The following DZANK1 variants were observed in gnomAD, a reference collection of about 807,000 sequenced individuals.
DZANK1 encodes double zinc ribbon and ankyrin repeat-containing protein 1.
In DZANK1, 91 loss-of-function variants were observed where a neutral mutation model predicts 94.5. The ratio of observed to expected loss-of-function variants is 0.96; its 90% CI spans 0.81 to 1.15. The LOEUF (loss-of-function observed/expected upper bound fraction) is 1.15. Ranked by LOEUF, DZANK1 falls within the 50% of genes most tolerant of loss-of-function variation. DZANK1 has a pLI of 0.00. For missense variants in DZANK1, 903 were observed against 916.4 expected, an observed-to-expected ratio of 0.99 and a Z score of 0.19; for synonymous variants, 312 against 325.3, an observed-to-expected ratio of 0.96 and a Z score of 0.44.
intron 5 of DZANK1, among the ~76,000 whole-genome samples, chr20:18,452,973 C>A (rs2059157241): frequency 6.6e-6 from 1 of 152,188 alleles, no homozygotes; most frequent in Non-Finnish European, 1.5e-5. Flanking sequence ...CTACAATATT[C>A]CACTTCAGGC....
At chr20:18,438,406 TA>T (rs1349723041) in intron 8 of DZANK1, among the ~76,000 whole-genome samples, 3 of 151,824 alleles carry the variant, frequency 2.0e-5, no homozygotes, top group Admixed American at 1.3e-4. Flanking sequence ...TCAGAATGGA[TA>T]AAAAAGCAAG....
At chr20:18,393,148 G>A (rs1033285023) in intron 17 of DZANK1, among the ~76,000 whole-genome samples, 11 of 152,194 alleles carry the variant, frequency 7.2e-5, no homozygotes, top group Admixed American at 2.6e-4. Flanking sequence ...ACAGGGGAGG[G>A]TGTAGAGGGA....
At chr20:18,449,065 G>A (rs2058998397) in exon 7 of DZANK1, 2 of 1,613,486 alleles carry the variant, frequency 1.2e-6, no homozygotes, top group Non-Finnish European at 1.7e-6. Context: ...TGCAAAACCG[G>A]GGGACTAAAA....
At chr20:18,393,947 C>A in intron 16 of DZANK1, 136 bp from the exon 17 acceptor site, 1 of 667,742 alleles carries the variant, frequency 1.5e-6, no homozygotes, top group Non-Finnish European at 2.5e-6. Flanking sequence ...TGATTAAACC[C>A]GGCAGGAGAG....
exon 11 of DZANK1, chr20:18,415,330 G>T: frequency 6.5e-7 from 1 of 1,549,284 alleles, no homozygotes; most frequent in Non-Finnish European, 8.7e-7. Flanking sequence ...TACCCACCAT[G>T]GCTCCACACC....
In DZANK1 at chr20:18,441,363, A is replaced by G. The variant is rs1165250060; in HGVS notation, c.747+1984T>C. Among the ~76,000 whole-genome samples the G allele has an allele frequency of 2.6e-5, 4 of 152,332 alleles. No homozygotes were observed. Among genetic ancestry groups the G allele is most frequent in the South Asian group, 2.1e-4 (1 of 4,832 alleles). ...TTTCCCAGTTTATTTCCTGGGACCAATCCCACTACCAATTCTGTATCAGTC... is the reference window on the plus strand; with the variant it reads ...TTTCCCAGTTTATTTCCTGGGACCAGTCCCACTACCAATTCTGTATCAGTC... On this transcript the variant is annotated intron_variant, in intron 8 of 20. Coordinates refer to ENST00000262547, the Ensembl canonical transcript of DZANK1. This position sits in a 1 kb window ranked among gnomAD's most constrained non-coding sequence, Gnocchi z 4.1.
rs755162426 is a variant in DZANK1 at position 18,453,723 on chromosome 20, C to T, written c.475+8G>A. On this transcript the variant is annotated splice_region_variant and intron_variant, in intron 5 of 20. Transcript: ENST00000262547. ...ACAAAACCTTGTCTTTGTTCTGTCA[C>T]ATCATACCTGGAAACTTTCTAAGGT... 3 of 1,595,446 alleles carry T rather than the reference C, an allele frequency of 1.9e-6. No homozygotes were observed. Among genetic ancestry groups the T allele is most frequent in the African/African-American group, 1.3e-5 (1 of 74,560 alleles).
At chr20:18,391,407 G>A (rs1167181252) in intron 17 of DZANK1, among the ~76,000 whole-genome samples, 3 of 151,956 alleles carry the variant, frequency 2.0e-5, no homozygotes, top group African/African-American at 4.8e-5. Flanking sequence ...CTAATTTTTT[G>A]TATTTTTAAT....
chr20:18,390,274 C>A, intron 18 of DZANK1, 105 bp downstream of exon 18: 1 of 1,012,878 alleles, frequency 9.9e-7, no homozygotes. Context: ...AATCAAAGGG[C>A]AGTGTAATTT....
intron 13 of DZANK1, among the ~76,000 whole-genome samples, chr20:18,406,165 G>A (rs994312828): frequency 6.6e-6 from 1 of 152,234 alleles, no homozygotes; most frequent in Non-Finnish European, 1.5e-5. Flanking sequence ...TGCTAGGCTA[G>A]GCTCAGAGGC....
Position 18,448,866 on chromosome 20 carries a change from CAAAAA to C in DZANK1, c.629+113_629+117del, listed in dbSNP as rs1204337584. On this transcript the variant is annotated intron_variant, in intron 7 of 20. Coordinates refer to ENST00000262547, the Ensembl canonical transcript of DZANK1. The stretch of plus-strand genomic sequence containing the variant: ...AGGGTGACAGAGTGAGACTCCGTCT[CAAAAA>C]AAAAAAAAAAAAAAAGTTGGAGGTG... 1,302 of 471,006 alleles carry C rather than the reference CAAAAA, an allele frequency of 2.8e-3. 3 individuals carry two copies. The highest frequency in any genetic ancestry group is 3.3e-3 in the South Asian group (141 of 42,958). 29.2% of individuals were successfully genotyped at this position (471,006 alleles called of 1,614,324 possible). A position where few individuals can be genotyped will look rare whatever the true frequency, so the allele number is the denominator to read the frequency against.
intron 8 of DZANK1, among the ~76,000 whole-genome samples, chr20:18,434,914 G>C (rs543398468): frequency 5.9e-5 from 9 of 152,156 alleles, no homozygotes; most frequent in Non-Finnish European, 8.8e-5. Flanking sequence ...GGTAATCGAT[G>C]CACTGACTGG....
At chr20:18,384,153 G>A (rs540795410) in exon 21 of DZANK1, 25 of 295,318 alleles carry the variant, frequency 8.5e-5, no homozygotes, top group African/African-American at 2.0e-4. Context: ...TCTGCCTCCC[G>A]GGTTCAAGCG....
At chr20:18,387,403 A>G (rs1209129061) in intron 19 of DZANK1, among the ~76,000 whole-genome samples, 1 of 152,158 alleles carries the variant, frequency 6.6e-6, no homozygotes, top group African/African-American at 2.4e-5. Flanking sequence ...AATTCAAACT[A>G]TTTACTCAAA....
intron 14 of DZANK1, among the ~76,000 whole-genome samples, chr20:18,396,939 G>A (rs962882279): frequency 2.6e-5 from 4 of 152,300 alleles, no homozygotes; most frequent in African/African-American, 9.6e-5. Flanking sequence ...GTAATTAAGG[G>A]ACAAGTATCA....
chr20:18,384,010 C>G (rs2048331254), exon 21 of DZANK1: 1 of 161,938 alleles, frequency 6.2e-6, no homozygotes, highest in Non-Finnish European at 1.4e-5. Flanking sequence ...TTTCTAATCT[C>G]AAATACACAT....
chr20:18,403,411 C>T (rs996259261), intron 13 of DZANK1, among the ~76,000 whole-genome samples: 2 of 152,140 alleles, frequency 1.3e-5, no homozygotes, highest in Admixed American at 6.5e-5. Context: ...AGCATTGGCT[C>T]AGAGATTTTG....
intron 7 of DZANK1, among the ~76,000 whole-genome samples, chr20:18,448,091 C>G (rs971047433): frequency 6.6e-6 from 1 of 152,110 alleles, no homozygotes; most frequent in African/African-American, 2.4e-5. Context: ...TACAAATGTT[C>G]ACAGCAACTT....
Position 18,433,766 on chromosome 20 carries a change from C to T in DZANK1, c.748-1G>A. The T allele has an allele frequency of 6.2e-7, 1 of 1,613,328 alleles. No homozygotes were observed. Among genetic ancestry groups the T allele is most frequent in the Non-Finnish European group, 8.5e-7 (1 of 1,179,328 alleles). On this transcript the variant is annotated splice_acceptor_variant, in intron 8 of 20. Coordinates refer to ENST00000262547, the Ensembl canonical transcript of DZANK1. LOFTEE classifies it high-confidence loss of function. Reference sequence around the variant, plus strand: ...TTCTGCATTCTGCACACAAGCCCATCTGCACAAGGAAAAGGTCTGGTTTAT... The same window carrying T: ...TTCTGCATTCTGCACACAAGCCCATTTGCACAAGGAAAAGGTCTGGTTTAT...
Sources: allele counts gnomAD v4.1 joint callset (sites outside exome capture counted in the v4.1 genomes callset), GRCh38; gene constraint gnomAD v4.1.1; non-coding constraint Gnocchi (gnomAD v3.1); transcripts MANE v1.5; gene names NCBI Gene and HGNC (gene_info 2026-07-23, HGNC 2026-07-21).